COMMD1: variants seen among roughly 807,000 people sequenced by gnomAD.
COMMD1 encodes the protein copper metabolism domain containing 1, also known as COMM domain-containing protein 1.
A neutral mutation model predicts 17.2 loss-of-function variants in COMMD1; 10 were observed. That is an observed-to-expected ratio of 0.58 (90% CI 0.36 to 0.99). The LOEUF is 0.99. Ranked by LOEUF, COMMD1 falls within the 50% of genes least tolerant of loss-of-function variation. COMMD1 has a pLI of 0.01. For synonymous variants in COMMD1, 97 were observed against 91.6 expected (o/e 1.06, Z -0.34); for missense variants, 270 against 231.8 (o/e 1.17, Z -1.07).
chr2:61,951,235 G>A (rs764103616), intron 1 of COMMD1, among the ~76,000 whole-genome samples: 2 of 152,112 alleles, frequency 1.3e-5, no homozygotes, highest in Non-Finnish European at 2.9e-5. Flanking sequence ...AGGTGGAGGC[G>A]GGTGGATAGG....
chr2:62,027,078 CAT>C (rs1165899308), intron 2 of COMMD1, among the ~76,000 whole-genome samples: 2 of 152,108 alleles, frequency 1.3e-5, no homozygotes, highest in Admixed American at 6.6e-5. Flanking sequence ...ATTGAGATAT[CAT>C]GTGAAATTTT....
chr2:62,064,172 T>A (rs1041356000), intron 2 of COMMD1, among the ~76,000 whole-genome samples: 1 of 151,958 alleles, frequency 6.6e-6, no homozygotes, highest in Non-Finnish European at 1.5e-5. Flanking sequence ...TATTCTTATT[T>A]TTTAACTTTT....
At chr2:62,125,850 C>G (rs1175786971) in intron 2 of COMMD1, among the ~76,000 whole-genome samples, 1 of 151,998 alleles carries the variant, frequency 6.6e-6, no homozygotes, top group East Asian at 1.9e-4. Context: ...TGGTGGTTTG[C>G]TACCTATCAA....
chr2:61,984,294 G>A (rs1412300769), intron 1 of COMMD1, among the ~76,000 whole-genome samples: 3 of 152,124 alleles, frequency 2.0e-5, no homozygotes, highest in African/African-American at 7.2e-5. Context: ...CCAAAGTGTT[G>A]GGATTACAGG....
intron 1 of COMMD1, among the ~76,000 whole-genome samples, chr2:61,907,984 G>A (rs551545579): frequency 2.0e-5 from 3 of 151,264 alleles, no homozygotes; most frequent in Non-Finnish European, 3.0e-5. Flanking sequence ...CACTGCATCC[G>A]GCTTTACTTT....
At chr2:61,942,540 C>CTTTTTT (rs759905506) in intron 1 of COMMD1, among the ~76,000 whole-genome samples, 2 of 112,296 alleles carry the variant, frequency 1.8e-5, no homozygotes, top group Non-Finnish European at 3.7e-5. Flanking sequence ...TGTGCCTGGC[C>CTTTTTT]TTTTTTTTTT....
chr2:61,922,023 C>G (rs1000251279), intron 1 of COMMD1, among the ~76,000 whole-genome samples: 13 of 151,990 alleles, frequency 8.6e-5, no homozygotes, highest in African/African-American at 3.1e-4. Context: ...ATATTTGTTA[C>G]CATTTTATTA....
intron 2 of COMMD1, among the ~76,000 whole-genome samples, chr2:62,044,303 G>A (rs1337502529): frequency 1.3e-5 from 2 of 152,170 alleles, no homozygotes; most frequent in Non-Finnish European, 2.9e-5. Flanking sequence ...TGCTCAGTTA[G>A]TCTTCGTAAC....
chr2:61,926,679 T>G (rs1326294302), intron 1 of COMMD1, among the ~76,000 whole-genome samples: 1 of 152,212 alleles, frequency 6.6e-6, no homozygotes, highest in Non-Finnish European at 1.5e-5. Context: ...AATACAAAGT[T>G]GGCTTTTTCC....
In COMMD1 at chr2:62,000,895, A is replaced by T; in HGVS notation, c.375A>T (p.Arg125Ser). ...GCGGGCTTCGGGGCCTGAGCTGGAG[A>T]GTTGATGGCAAGTCTCAGTCAAGGC... ...WNSGLRGLSW[R>S]VDGKSQSRHS... Residue 125 changes from arginine (R) to serine (S), a missense_variant, in exon 2 of 3, where the codon AGA becomes AGT. Transcript: ENST00000311832. 1 of 1,614,120 alleles carries T rather than the reference A, an allele frequency of 6.2e-7. No individual in the cohort carries two copies.
chr2:62,079,884 A>G (rs571883580), intron 2 of COMMD1: 1 of 152,336 alleles, frequency 6.6e-6, no homozygotes, highest in East Asian at 1.9e-4. Context: ...TAAGGCTTTT[A>G]TGTAGCATTT....
At chr2:61,905,552 C>G, upstream of COMMD1, 1 of 906,778 alleles carries the variant, frequency 1.1e-6, no homozygotes, top group Non-Finnish European at 1.6e-6. Context: ...ACTCTGACCC[C>G]TGGGGAAGCC....
At chr2:61,989,911 C>T (rs1672202142) in intron 1 of COMMD1, among the ~76,000 whole-genome samples, 1 of 152,144 alleles carries the variant, frequency 6.6e-6, no homozygotes, top group Admixed American at 6.5e-5. Flanking sequence ...ATAGGCCTGG[C>T]AGTTACCCTG....
At chr2:62,084,545 G>A (rs752160820) in intron 2 of COMMD1, among the ~76,000 whole-genome samples, 16 of 152,120 alleles carry the variant, frequency 1.1e-4, no homozygotes, top group Middle Eastern at 3.2e-3. Context: ...GAAAATTTGC[G>A]TGTAAATGGA....
At chr2:62,049,324 A>G (rs1670475067) in intron 2 of COMMD1, among the ~76,000 whole-genome samples, 1 of 152,220 alleles carries the variant, frequency 6.6e-6, no homozygotes, top group Non-Finnish European at 1.5e-5. Flanking sequence ...AAAATCCCAA[A>G]TAAGATTATT....
intron 1 of COMMD1, among the ~76,000 whole-genome samples, chr2:61,918,380 T>TA (rs1670100863): frequency 6.6e-6 from 1 of 152,218 alleles, no homozygotes; most frequent in Non-Finnish European, 1.5e-5. Flanking sequence ...GACAAATGAC[T>TA]GATGTTACTT....
intron 1 of COMMD1, among the ~76,000 whole-genome samples, chr2:61,970,189 T>A (rs1323957875): frequency 6.8e-6 from 1 of 148,140 alleles, no homozygotes. Context: ...ACCTGGGAGG[T>A]GGAGGTCTCA....
At chr2:62,033,625 T>G (rs7561706) in intron 2 of COMMD1, among the ~76,000 whole-genome samples, 12,103 of 152,064 alleles carry the variant, frequency 0.08, 1,149 homozygotes, top group African/African-American at 0.23. Flanking sequence ...AAGAAGTACC[T>G]TAGATATAAA....
intron 1 of COMMD1, among the ~76,000 whole-genome samples, chr2:61,916,402 T>C (rs1670052783): frequency 6.6e-6 from 1 of 152,132 alleles, no homozygotes; most frequent in African/African-American, 2.4e-5. Context: ...ATACTGTACA[T>C]AACTTTCTGC....
Sources: gnomAD v4.1 joint callset for allele counts (sites outside exome capture counted in the v4.1 genomes callset) on GRCh38, gnomAD v4.1.1 for gene constraint, MANE v1.5 for transcripts, NCBI Gene and HGNC (gene_info 2026-07-23, HGNC 2026-07-21) for gene names.